Variants in SUSD5 observed in about 807,000 individuals in gnomAD.
The protein encoded by SUSD5 is sushi domain-containing protein 5.
SUSD5 carries 33 observed loss-of-function variants against 29.5 expected under a neutral mutation model. That is an observed-to-expected ratio of 1.12 (90% confidence interval 0.85 to 1.49). SUSD5 has a LOEUF of 1.49. Among genes scored for constraint, SUSD5 ranks in the 40% most tolerant of loss-of-function variants. The probability of loss-of-function intolerance (pLI) is 0.00; values close to 1 mark genes in which losing one functional copy is unlikely to be tolerated. For synonymous variants in SUSD5, 308 were observed against 325.3 expected (o/e 0.95, Z 0.57); for missense variants, 776 against 800.6 (o/e 0.97, Z 0.37).
intron 4 of SUSD5, 96 bp from the exon 5 acceptor site, chr3:33,154,129 A>T: frequency 1.0e-6 from 1 of 982,628 alleles, no homozygotes. Flanking sequence ...AGGCTGGGAC[A>T]GAATAAATAA....
intron 3 of SUSD5, among the ~76,000 whole-genome samples, chr3:33,196,617 C>G (rs1038560642): frequency 6.6e-6 from 1 of 152,212 alleles, no homozygotes; most frequent in Non-Finnish European, 1.5e-5. Context: ...TTCTCACACT[C>G]TCTACTTTTG....
chr3:33,206,809 T>G (rs1011724378), intron 3 of SUSD5, among the ~76,000 whole-genome samples: 1 of 152,192 alleles, frequency 6.6e-6, no homozygotes, highest in Non-Finnish European at 1.5e-5. Context: ...GTTCTCAACC[T>G]GGGCTGTACA....
intron 4 of SUSD5, among the ~76,000 whole-genome samples, chr3:33,166,099 G>T (rs1253102976): frequency 6.6e-6 from 1 of 152,024 alleles, no homozygotes; most frequent in African/African-American, 2.4e-5. Context: ...CCCAGCTGCT[G>T]CTGGTATTCC....
chr3:33,169,674 C>A (rs1432386457), intron 4 of SUSD5, among the ~76,000 whole-genome samples: 1 of 152,186 alleles, frequency 6.6e-6, no homozygotes, highest in Non-Finnish European at 1.5e-5. Flanking sequence ...CCTAACTGGG[C>A]AATGTGTCTT....
intron 4 of SUSD5, among the ~76,000 whole-genome samples, chr3:33,165,573 G>C (rs1441085620): frequency 6.6e-6 from 1 of 152,154 alleles, no homozygotes; most frequent in African/African-American, 2.4e-5. Flanking sequence ...GGAAAAACTG[G>C]CACAGTATTT....
chr3:33,176,332 A>G (rs940181425), intron 3 of SUSD5, among the ~76,000 whole-genome samples: 2 of 152,204 alleles, frequency 1.3e-5, no homozygotes, highest in African/African-American at 4.8e-5. Flanking sequence ...TTGTGTGAAC[A>G]TTAGTTTCTG....
rs184979048 is a variant in SUSD5 at position 33,153,819 on chromosome 3, G to A, written c.813C>T (p.Gly271=). Reference sequence around the variant, plus strand: ...GGACACTGCTCCCAGCACCAGGCAAGCCTGTGGTTGGCACAAAGACTTTAT... The same window carrying A: ...GGACACTGCTCCCAGCACCAGGCAAACCTGTGGTTGGCACAAAGACTTTAT... ...ARDKVFVPTT[G]LPGAGSSVPA... Residue 271 remains glycine (G), a synonymous_variant, in exon 5 of 5, where the codon GGC becomes GGT. Transcript: ENST00000309558. 147 of 1,614,024 alleles carry A rather than the reference G, an allele frequency of 9.1e-5. No individual in the cohort carries two copies. The East Asian group carries it at 3.2e-3, about 35-fold the overall frequency.
At chr3:33,168,972 C>T (rs1197307500) in intron 4 of SUSD5, among the ~76,000 whole-genome samples, 1 of 152,074 alleles carries the variant, frequency 6.6e-6, no homozygotes, top group Non-Finnish European at 1.5e-5. Flanking sequence ...TTTTAAACCC[C>T]GGCTCTGCTT....
chr3:33,178,456 TG>T (rs781249530), intron 3 of SUSD5, among the ~76,000 whole-genome samples: 21,547 of 151,228 alleles, frequency 0.14, 1,815 homozygotes, highest in South Asian at 0.26. Context: ...GTTGTTGTTT[TG>T]TTTTTTTTTG....
intron 4 of SUSD5, among the ~76,000 whole-genome samples, chr3:33,168,010 C>T (rs1434031927): frequency 4.6e-5 from 7 of 152,182 alleles, no homozygotes; most frequent in Admixed American, 3.3e-4. Context: ...AGGTCATTCA[C>T]TGTGCATTTA....
In SUSD5 at chr3:33,214,098, G is replaced by T; in HGVS notation, c.120C>A (p.Phe40Leu). The T allele has an allele frequency of 3.1e-6, 5 of 1,602,552 alleles. No individual in the cohort carries two copies. Among genetic ancestry groups the T allele is most frequent in the Non-Finnish European group, 4.3e-6 (5 of 1,175,008 alleles). ...PRLSVRADGK[F>L]FVLESQNGSQ... ...AGCCATTCTGAGACTCCAGCACAAA[G>T]AACTTTCCTGTGTGGGAACAAGAAC... Residue 40 changes from phenylalanine to leucine, a missense_variant, in exon 2 of 5, where the codon TTC becomes TTA. Transcript: ENST00000309558.
chr3:33,211,001 G>A lies in SUSD5; in HGVS notation c.290+2927C>T, dbSNP rs1435288191. Among the ~76,000 whole-genome samples the A allele has an allele frequency of 5.3e-5, 8 of 152,128 alleles. No homozygotes were observed. In the East Asian group the frequency reaches 1.5e-3, roughly 29 times the overall value. On this transcript the variant is annotated intron_variant, in intron 2 of 4. Transcript: ENST00000309558. ...CGATTCTCCTGCCTCAGCCTCCTGAGTAGCTGGGACTACAGGCACACACCA... is the reference window on the plus strand; with the variant it reads ...CGATTCTCCTGCCTCAGCCTCCTGAATAGCTGGGACTACAGGCACACACCA...
intron 3 of SUSD5, among the ~76,000 whole-genome samples, chr3:33,190,817 AG>A (rs1368960188): frequency 6.6e-6 from 1 of 152,170 alleles, no homozygotes; most frequent in Non-Finnish European, 1.5e-5. Flanking sequence ...TAAGCAGAGA[AG>A]ATTTACTCCT....
At chr3:33,159,661 T>TC (rs1436319556) in intron 4 of SUSD5, among the ~76,000 whole-genome samples, 2 of 151,364 alleles carry the variant, frequency 1.3e-5, no homozygotes, top group Non-Finnish European at 2.9e-5. Context: ...TATTTTTCCC[T>TC]CCCCCATACC....
chr3:33,155,235 A>AT (rs2031023892), intron 4 of SUSD5, among the ~76,000 whole-genome samples: 3 of 152,352 alleles, frequency 2.0e-5, no homozygotes, highest in Non-Finnish European at 4.4e-5. Flanking sequence ...ATCTATACTA[A>AT]GTAGACAGAC....
intron 3 of SUSD5, among the ~76,000 whole-genome samples, chr3:33,199,928 G>A (rs1010252894): frequency 2.6e-5 from 4 of 152,134 alleles, no homozygotes; most frequent in African/African-American, 4.8e-5. Context: ...GGGTGAGTTC[G>A]GTTCCTCTCA....
At chr3:33,159,147 A>C (rs1438486634) in intron 4 of SUSD5, among the ~76,000 whole-genome samples, 1 of 152,224 alleles carries the variant, frequency 6.6e-6, no homozygotes, top group East Asian at 1.9e-4. Context: ...TGCCAAAGGC[A>C]GTCCTAGGTG....
chr3:33,216,258 A>C (rs2032426275), intron 1 of SUSD5, among the ~76,000 whole-genome samples: 1 of 152,196 alleles, frequency 6.6e-6, no homozygotes, highest in Non-Finnish European at 1.5e-5. Context: ...ACTTTAAAAA[A>C]TAAAACTTAG....
intron 3 of SUSD5, among the ~76,000 whole-genome samples, chr3:33,193,933 T>C (rs1026285264): frequency 1.3e-5 from 2 of 152,214 alleles, no homozygotes; most frequent in African/African-American, 4.8e-5. Context: ...ACTAACAAAG[T>C]GGCCACAAGA....
Sources: allele counts gnomAD v4.1 joint callset (sites outside exome capture counted in the v4.1 genomes callset), GRCh38; gene constraint gnomAD v4.1.1; transcripts MANE v1.5; gene names NCBI Gene and HGNC (gene_info 2026-07-23, HGNC 2026-07-21).